Variants in ECHDC1 observed in about 807,000 individuals in gnomAD.
ECHDC1 encodes the protein ethylmalonyl-CoA decarboxylase 1, also known as ethylmalonyl-CoA decarboxylase.
A neutral mutation model predicts 29.7 loss-of-function variants in ECHDC1; 29 were observed. That is an observed-to-expected ratio of 0.98 (90% CI 0.73 to 1.33). The LOEUF (loss-of-function observed/expected upper bound fraction) is 1.33, where lower values mean the gene tolerates loss of function less well. Among genes scored for constraint, ECHDC1 ranks in the 40% most tolerant of loss-of-function variants. The pLI is 0.00. For missense variants in ECHDC1, 328 were observed against 350.0 expected (o/e 0.94, Z 0.50); for synonymous variants, 126 against 123.1 (o/e 1.02, Z -0.15).
chr6:127,301,317 T>C lies in ECHDC1; in HGVS notation c.498-11040A>G, dbSNP rs534532100. Among the ~76,000 whole-genome samples, 117 of 152,340 alleles carry C rather than the reference T, an allele frequency of 7.7e-4. 3 individuals carry two copies. In the Middle Eastern group the frequency reaches 0.014, roughly 18 times the overall value. On this transcript the variant is annotated intron_variant, in intron 5 of 5. Transcript: ENST00000454859. ...GCTACATGAGTTCATTTCTTTTATA[T>C]ATTCATATTAAGTGTATCTCCATCT...
rs1562300467 is a variant in ECHDC1, at chr6:127,290,215, C to CAG, written c.558_559dup (p.Trp187SerfsTer8). 6.2e-7 allele frequency: 1 copy of CAG among 1,613,590 alleles called. No individual in the cohort carries two copies. Among genetic ancestry groups the CAG allele is most frequent in the Non-Finnish European group, 8.5e-7 (1 of 1,179,716 alleles). The stretch of plus-strand genomic sequence containing the variant: ...TTCAACTAGCCGGGTGGTGCCACCC[C>CAG]AGCTTGGTATTATGCCCATCTCTTT... On this transcript the variant is annotated frameshift_variant, in exon 6 of 6. Transcript: ENST00000454859. LOFTEE classifies it high-confidence loss of function.
At chr6:127,310,846 T>C (rs1342855577) in intron 5 of ECHDC1, among the ~76,000 whole-genome samples, 1 of 152,008 alleles carries the variant, frequency 6.6e-6, no homozygotes, top group Non-Finnish European at 1.5e-5. Context: ...AGTTGTCACA[T>C]CCACCTCAAT....
intron 3 of ECHDC1, 117 bp downstream of exon 3, chr6:127,326,885 C>T (rs1370436860): frequency 1.1e-5 from 14 of 1,221,040 alleles, no homozygotes; most frequent in African/African-American, 1.5e-5. Context: ...CCAAAAAATC[C>T]CCATAATCCT....
intron 5 of ECHDC1, among the ~76,000 whole-genome samples, chr6:127,292,585 C>T (rs147880285): frequency 3.3e-5 from 5 of 151,996 alleles, no homozygotes; most frequent in African/African-American, 1.2e-4. Flanking sequence ...GTAGTTTCCT[C>T]TAATAAACAG....
intron 2 of ECHDC1, 63 bp downstream of exon 2, chr6:127,330,746 A>G: frequency 7.0e-7 from 1 of 1,432,866 alleles, no homozygotes; most frequent in East Asian, 2.3e-5. Context: ...GCAAGGATAA[A>G]AAAACTTGTG....
chr6:127,312,228 A>T (rs1313708390), intron 5 of ECHDC1, among the ~76,000 whole-genome samples: 4 of 152,182 alleles, frequency 2.6e-5, no homozygotes, highest in Non-Finnish European at 5.9e-5. Context: ...AAAAACTCCT[A>T]CAGTTTAATA....
At chr6:127,314,941 T>A (rs1782240208) in intron 4 of ECHDC1, 45 bp from the exon 5 acceptor site, 1 of 1,533,724 alleles carries the variant, frequency 6.5e-7, no homozygotes. Context: ...TTAATTTCAA[T>A]ATTCATTTAC....
intron 5 of ECHDC1, among the ~76,000 whole-genome samples, chr6:127,291,383 A>C (rs1780167087): frequency 6.6e-6 from 1 of 151,148 alleles, no homozygotes. Context: ...CATAATAGCT[A>C]GACGAGGTGG....
intron 5 of ECHDC1, among the ~76,000 whole-genome samples, chr6:127,294,238 C>T (rs985555741): frequency 2.0e-5 from 3 of 152,096 alleles, no homozygotes; most frequent in Admixed American, 1.3e-4. Flanking sequence ...GGGCCAGAAA[C>T]GGCTAGTCCT....
At chr6:127,325,746 G>A (rs1012807089) in intron 3 of ECHDC1, among the ~76,000 whole-genome samples, 2 of 152,128 alleles carry the variant, frequency 1.3e-5, no homozygotes, top group East Asian at 3.9e-4. Flanking sequence ...TGTCACCCAG[G>A]CTGGAGTGCA....
In ECHDC1 at chr6:127,298,033, A is replaced by G. The variant is rs543028769; in HGVS notation, c.498-7756T>C. ...CATCAAAGAAGGAGAAACAACAAAA[A>G]CAACAGTGAACTAATGTAAGTAACT... On this transcript the variant is annotated intron_variant, in intron 5 of 5. Coordinates refer to ENST00000454859, the MANE Select transcript of ECHDC1 (RefSeq NM_001002030.2). Among the ~76,000 whole-genome samples the G allele has an allele frequency of 1.6e-4, 24 of 152,286 alleles. No individual in the cohort carries two copies. The South Asian group carries it at 5.0e-3, about 32-fold the overall frequency.
Position 127,320,275 on chromosome 6 carries a change from C to T in ECHDC1, c.364-3773G>A, listed in dbSNP as rs148654227. ...CAGGTGATCTGCCCACCTCGGCCTCCCAAAGTGCTGGGATTACAGGTGTGA... is the reference window on the plus strand; with the variant it reads ...CAGGTGATCTGCCCACCTCGGCCTCTCAAAGTGCTGGGATTACAGGTGTGA... On this transcript the variant is annotated intron_variant, in intron 3 of 5. Coordinates refer to ENST00000454859, the MANE Select transcript of ECHDC1 (RefSeq NM_001002030.2). 8.5e-3 allele frequency among the ~76,000 whole-genome samples: 1,290 copies of T among 152,276 alleles called. 8 individuals are homozygous for T. Among genetic ancestry groups the T allele is most frequent in the Middle Eastern group, 0.027 (8 of 294 alleles).
intron 5 of ECHDC1, among the ~76,000 whole-genome samples, chr6:127,298,197 G>C (rs796373067): frequency 2.0e-5 from 3 of 152,170 alleles, no homozygotes; most frequent in African/African-American, 4.8e-5. Context: ...TTGTATTACT[G>C]TCACGCCTTT....
chr6:127,334,322 C>A (rs1167808528), intron 1 of ECHDC1, among the ~76,000 whole-genome samples: 1 of 152,110 alleles, frequency 6.6e-6, no homozygotes, highest in Admixed American at 6.5e-5. Flanking sequence ...ACCTCTAAAT[C>A]AACCCAGTCT....
intron 1 of ECHDC1, among the ~76,000 whole-genome samples, chr6:127,336,509 A>G (rs1784437828): frequency 6.6e-6 from 1 of 152,148 alleles, no homozygotes; most frequent in Non-Finnish European, 1.5e-5. Context: ...CTGTCTATGG[A>G]AAGGAAGTAT....
At chr6:127,310,505 C>A (rs1479096418) in intron 5 of ECHDC1, among the ~76,000 whole-genome samples, 2 of 152,040 alleles carry the variant, frequency 1.3e-5, no homozygotes, top group African/African-American at 4.8e-5. Flanking sequence ...ATGGAAGTAG[C>A]AAGACAATTG....
At chr6:127,330,710 G>C in intron 2 of ECHDC1, 99 bp downstream of exon 2, 2 of 962,596 alleles carry the variant, frequency 2.1e-6, no homozygotes, top group Non-Finnish European at 3.1e-6. Flanking sequence ...AAGAGTACAA[G>C]GACTTTAAAA....
intron 5 of ECHDC1, among the ~76,000 whole-genome samples, chr6:127,296,911 G>T (rs1283707253): frequency 2.0e-5 from 3 of 152,000 alleles, no homozygotes; most frequent in Non-Finnish European, 4.4e-5. Context: ...AGGCTGAGGT[G>T]GGAGGATGAC....
chr6:127,315,588 A>G (rs3798852), intron 4 of ECHDC1: 168,795 of 230,806 alleles, frequency 0.73, 62,081 homozygotes, highest in East Asian at 0.78. Flanking sequence ...GTGCAGGTCT[A>G]AAGTAATTGA....
Sources: gnomAD v4.1 joint callset for allele counts (sites outside exome capture counted in the v4.1 genomes callset) on GRCh38, gnomAD v4.1.1 for gene constraint, MANE v1.5 for transcripts, NCBI Gene and HGNC (gene_info 2026-07-23, HGNC 2026-07-21) for gene names.